BCLAF1: variants seen among roughly 807,000 people sequenced by gnomAD.
BCLAF1 encodes the protein bcl-2-associated transcription factor 1.
In BCLAF1, 10 loss-of-function variants were observed where a neutral mutation model predicts 99.5. The ratio of observed to expected loss-of-function variants is 0.10; its 90% CI spans 0.06 to 0.17. The LOEUF (loss-of-function observed/expected upper bound fraction) is 0.17, where lower values mean the gene tolerates loss of function less well. BCLAF1 is among the 10% of genes least tolerant of loss of function. The pLI is 1.00. For missense variants in BCLAF1, 636 were observed against 1,105.8 expected (o/e 0.58, Z 6.02); for synonymous variants, 255 against 370.9 (o/e 0.69, Z 3.59).
At chr6:136,289,035 G>T (rs942406343) in intron 1 of BCLAF1, among the ~76,000 whole-genome samples, 2 of 152,158 alleles carry the variant, frequency 1.3e-5, no homozygotes, top group Non-Finnish European at 2.9e-5. Context: ...AAAACAGCAG[G>T]TTGCCGCGGG....
intron 1 of BCLAF1, among the ~76,000 whole-genome samples, chr6:136,284,116 A>ATATGTG (rs1554220601): frequency 3.3e-5 from 4 of 120,060 alleles, no homozygotes; most frequent in African/African-American, 1.4e-4. Flanking sequence ...ATACATATAT[A>ATATGTG]TGTGTGTGTG....
At chr6:136,285,108 CTAG>C (rs1379029769) in intron 1 of BCLAF1, among the ~76,000 whole-genome samples, 1 of 152,014 alleles carries the variant, frequency 6.6e-6, no homozygotes, top group East Asian at 1.9e-4. Flanking sequence ...GAAATAGCAT[CTAG>C]TAGATCATCA....
In BCLAF1 at chr6:136,276,699, A is replaced by T. The variant is rs3778293; in HGVS notation, c.1017-191T>A. On this transcript the variant is annotated intron_variant, in intron 4 of 12. Transcript: ENST00000531224. ...ATATAGAACTTATGTACTGACTTTT[A>T]AAATAAATTTACATTTGACTTCTGA... 3.3e-3 allele frequency among the ~76,000 whole-genome samples: 496 copies of T among 152,336 alleles called. 11 individuals carry two copies. In the East Asian group the frequency reaches 0.051, roughly 16 times the overall value.
chr6:136,277,052 A>G (rs1385686142), intron 4 of BCLAF1, among the ~76,000 whole-genome samples: 2 of 152,244 alleles, frequency 1.3e-5, no homozygotes, highest in Non-Finnish European at 2.9e-5. Flanking sequence ...TGATCAGTTC[A>G]ATCATAAATT....
intron 11 of BCLAF1, 36 bp from the exon 12 acceptor site, chr6:136,261,513 T>C (rs1168320362): frequency 1.3e-6 from 2 of 1,580,790 alleles, no homozygotes; most frequent in East Asian, 2.2e-5. Context: ...CAATGAAATG[T>C]TTCTTGTAAA....
At chr6:136,287,506 C>A (rs75470230) in intron 1 of BCLAF1, among the ~76,000 whole-genome samples, 2,330 of 152,170 alleles carry the variant, frequency 0.015, 39 homozygotes, top group African/African-American at 0.037. Flanking sequence ...CAAACAAGTA[C>A]CCAGAGATTT....
At chr6:136,274,849 T>A (rs574902876) in intron 6 of BCLAF1, among the ~76,000 whole-genome samples, 44 of 147,958 alleles carry the variant, frequency 3.0e-4, no homozygotes, top group African/African-American at 5.4e-4. Flanking sequence ...GGTAAAAATT[T>A]AAAAAAAAAA....
In BCLAF1 at chr6:136,277,849, G is replaced by T. The variant is rs1783651857; in HGVS notation, c.1016+16C>A. 6.2e-7 allele frequency: 1 copy of T among 1,601,030 alleles called. No homozygotes were observed. Among genetic ancestry groups the T allele is most frequent in the Non-Finnish European group, 8.5e-7 (1 of 1,173,504 alleles). On this transcript the variant is annotated intron_variant, in intron 4 of 12. Coordinates refer to ENST00000531224, the MANE Select transcript of BCLAF1 (RefSeq NM_014739.3). ...AAAACAATATTATAATCTAGATTCT[G>T]TATTTTAGTTTTTACCTTTTTAAGA...
intron 1 of BCLAF1, among the ~76,000 whole-genome samples, chr6:136,289,448 G>A (rs969897776): frequency 1.3e-5 from 2 of 152,156 alleles, no homozygotes; most frequent in African/African-American, 4.8e-5. Context: ...ACGGGAGGCC[G>A]CGCGGGCTGT....
chr6:136,283,069 A>C (rs1784589212), intron 1 of BCLAF1, among the ~76,000 whole-genome samples: 1 of 151,344 alleles, frequency 6.6e-6, no homozygotes, highest in South Asian at 2.1e-4. Flanking sequence ...AGGCTGATGC[A>C]GAAGGATCAC....
At chr6:136,279,974 G>A in intron 2 of BCLAF1, 98 bp from the exon 3 acceptor site, 2 of 1,243,032 alleles carry the variant, frequency 1.6e-6, no homozygotes, top group Non-Finnish European at 2.1e-6. Context: ...ATTTTTACAA[G>A]TTTCTCAAAG....
chr6:136,264,209 G>C (rs1027524216), intron 11 of BCLAF1, among the ~76,000 whole-genome samples: 2 of 151,976 alleles, frequency 1.3e-5, no homozygotes, highest in Non-Finnish European at 2.9e-5. Flanking sequence ...TTATTACTAA[G>C]CTTTTTTGTT....
chr6:136,265,811 T>C (rs953943209), intron 11 of BCLAF1, among the ~76,000 whole-genome samples: 8 of 152,184 alleles, frequency 5.3e-5, no homozygotes, highest in Non-Finnish European at 1.2e-4. Flanking sequence ...TTTAGAATGT[T>C]TGTTTCTCTA....
intron 6 of BCLAF1, among the ~76,000 whole-genome samples, 154 bp downstream of exon 6, chr6:136,275,378 G>A (rs567054344): frequency 6.6e-6 from 1 of 152,168 alleles, no homozygotes; most frequent in African/African-American, 2.4e-5. Context: ...CAAGACTAGG[G>A]ACTCTCTTCT....
In BCLAF1 at chr6:136,272,207, TATTA is replaced by T. The variant is rs1357335385; in HGVS notation, c.1959-132_1959-129del. 8.5e-5 allele frequency: 51 copies of T among 598,130 alleles called. No homozygotes were observed. In the African/African-American group the frequency reaches 8.9e-4, roughly 10 times the overall value. The allele number at this position is 598,130 out of a possible 1,614,324, so 37.1% of individuals were successfully genotyped here. A position where few individuals can be genotyped will look rare whatever the true frequency, so the allele number is the denominator to read the frequency against. ...ATCAACTAATTTAGCACACCAAGACTATTAATTTAGTTTATAATACACAATTAAG... is the reference window on the plus strand; with the variant it reads ...ATCAACTAATTTAGCACACCAAGACTATTTAGTTTATAATACACAATTAAG... On this transcript the variant is annotated intron_variant, in intron 7 of 12. Transcript: ENST00000531224.
intron 12 of BCLAF1, 46 bp downstream of exon 12, chr6:136,261,219 C>T (rs766449517): frequency 1.3e-6 from 2 of 1,596,630 alleles, no homozygotes; most frequent in Non-Finnish European, 1.7e-6. Flanking sequence ...CCCACCAAAC[C>T]TATATCAAAA....
At position 136,267,269 on chromosome 6, in the gene BCLAF1, G is replaced by A; in HGVS notation, c.2398-94C>T. 6.7e-6 allele frequency: 9 copies of A among 1,352,874 alleles called. No homozygotes were observed. The South Asian group carries it at 1.2e-4, about 18-fold the overall frequency. The allele number at this position is 1,352,874 out of a possible 1,614,324, so 83.8% of individuals were successfully genotyped here. ...TTTACTGCAGTAACAAAAAACATAT[G>A]CCCTAATTTCCTATCTAAATCTCAT... On this transcript the variant is annotated intron_variant, in intron 10 of 12. Transcript: ENST00000531224.
At chr6:136,269,167 A>G in intron 9 of BCLAF1, 1 of 1,292,720 alleles carries the variant, frequency 7.7e-7, no homozygotes, top group Non-Finnish European at 9.9e-7. Flanking sequence ...AATGCACTGC[A>G]TTGAAGTCCA....
In BCLAF1 at chr6:136,258,776, G is replaced by A. The variant is rs1061139; in HGVS notation, c.*2334C>T. ...GGAACAATAGTAATTCCTTGAAGAA[G>A]ACTAACTGGAAAAAACATTTTGCTT... On this transcript the variant is annotated 3_prime_UTR_variant, in exon 13 of 13. Coordinates refer to ENST00000531224, the MANE Select transcript of BCLAF1 (RefSeq NM_014739.3). 6.6e-6 allele frequency: 1 copy of A among 152,426 alleles called. No individual in the cohort carries two copies. Among genetic ancestry groups the A allele is most frequent in the African/African-American group, 2.4e-5 (1 of 41,428 alleles). 9.4% of individuals were successfully genotyped at this position (152,426 alleles called of 1,614,324 possible).
Sources: allele counts gnomAD v4.1 joint callset (sites outside exome capture counted in the v4.1 genomes callset), GRCh38; gene constraint gnomAD v4.1.1; transcripts MANE v1.5; gene names NCBI Gene and HGNC (gene_info 2026-07-23, HGNC 2026-07-21).